Variants in ZNF335 observed in about 807,000 individuals in gnomAD.
The protein encoded by ZNF335 is NRC-interacting factor 1.
Under a neutral mutation model 145.6 loss-of-function variants are expected in ZNF335, and 84 were observed. The observed-to-expected ratio is 0.58, with a 90% CI of 0.48 to 0.69. The LOEUF (loss-of-function observed/expected upper bound fraction) is 0.69, where lower values mean the gene tolerates loss of function less well. Among genes scored for constraint, ZNF335 ranks in the 30% least tolerant of loss-of-function variants. The pLI, the probability that ZNF335 is intolerant of heterozygous loss-of-function variation, is 0.00. For missense variants in ZNF335, 1,865 were observed against 1,809.7 expected, an observed-to-expected ratio of 1.03 and a Z score of -0.55; for synonymous variants, 761 against 717.0, an observed-to-expected ratio of 1.06 and a Z score of -0.98.
intron 22 of ZNF335, 52 bp downstream of exon 22, chr20:45,950,167 A>G: frequency 6.3e-7 from 1 of 1,580,480 alleles, no homozygotes; most frequent in South Asian, 1.2e-5. Context: ...GCAGTGGCCC[A>G]AGTCTCTGGA....
In ZNF335 at chr20:45,960,202, C is replaced by A; in HGVS notation, c.2020+6G>T. 1 of 1,613,812 alleles carries A rather than the reference C, an allele frequency of 6.2e-7. No homozygotes were observed. The highest frequency in any genetic ancestry group is 8.5e-7 in the Non-Finnish European group (1 of 1,179,954). On this transcript the variant is annotated splice_donor_region_variant and intron_variant, in intron 14 of 27. Transcript: ENST00000322927. ...GTGAGTGGGGCTGGGGTGTGTCCAGCCTGACCTGTGTGCTTGACAGCCACA... is the reference window on the plus strand; with the variant it reads ...GTGAGTGGGGCTGGGGTGTGTCCAGACTGACCTGTGTGCTTGACAGCCACA...
At chr20:45,951,997 G>T in intron 20 of ZNF335, 150 bp downstream of exon 20, 1 of 1,176,290 alleles carries the variant, frequency 8.5e-7, no homozygotes, top group Non-Finnish European at 1.1e-6. Flanking sequence ...CTCCCTGAGA[G>T]CTGGGACCTT....
At position 45,968,352 on chromosome 20, in the gene ZNF335, A is replaced by G. The variant is rs1450049531; in HGVS notation, c.453T>C (p.Thr151=). The G allele has an allele frequency of 1.2e-6, 2 of 1,611,600 alleles. No homozygotes were observed. The highest frequency in any genetic ancestry group is 1.7e-6 in the Non-Finnish European group (2 of 1,178,180). ...CCCCGCCATCCTCAGCACTGGTCACAGTGATGCAGTCTGGGCAGAGATGGG... is the reference window on the plus strand; with the variant it reads ...CCCCGCCATCCTCAGCACTGGTCACGGTGATGCAGTCTGGGCAGAGATGGG... ...IGPDLIQNCI[T]VTSAEDGGAE... is the part of the protein sequence containing the mutation. The change falls in exon 4 of 28, where the codon ACT becomes ACC. Residue 151 remains threonine (T), a synonymous_variant. Transcript: ENST00000322927.
chr20:45,969,301 C>T (rs2084014505), intron 3 of ZNF335, 150 bp downstream of exon 3: 1 of 1,053,890 alleles, frequency 9.5e-7, no homozygotes, highest in South Asian at 3.5e-5. Flanking sequence ...ATTAAATCCT[C>T]ATTTACCACC....
At chr20:45,970,522 C>CT (rs891010946) in intron 2 of ZNF335, among the ~76,000 whole-genome samples, 35 of 152,120 alleles carry the variant, frequency 2.3e-4, no homozygotes, top group African/African-American at 8.0e-4. Flanking sequence ...ACTTTACAGA[C>CT]GAGGAAACAG....
At chr20:45,965,068 A>ATAATAC (rs2083926607) in intron 7 of ZNF335, among the ~76,000 whole-genome samples, 2 of 149,762 alleles carry the variant, frequency 1.3e-5, no homozygotes, top group African/African-American at 2.5e-5. Context: ...AATAATAATA[A>ATAATAC]TACAACAACT....
At position 45,967,828 on chromosome 20, in the gene ZNF335, C is replaced by G; in HGVS notation, c.720G>C (p.Val240=). ...LQSLEAMMEV[V]VVQQFKCKMC... is the part of the protein sequence containing the mutation. ...TCTTGCATTTGAACTGCTGCACCAC[C>G]ACCACCTCCATCATGGCCTCCAGGC... Residue 240 remains valine (V), a synonymous_variant, in exon 5 of 28, where the codon GTG becomes GTC. Coordinates refer to ENST00000322927, the MANE Select transcript of ZNF335 (RefSeq NM_022095.4). The G allele has an allele frequency of 6.2e-7, 1 of 1,613,522 alleles. No homozygotes were observed. Among genetic ancestry groups the G allele is most frequent in the East Asian group, 2.2e-5 (1 of 44,882 alleles).
chr20:45,968,513 G>A, intron 3 of ZNF335, 151 bp from the exon 4 acceptor site: 2 of 661,170 alleles, frequency 3.0e-6, no homozygotes, highest in Non-Finnish European at 5.2e-6. Flanking sequence ...TGTCACCCCT[G>A]AGCCTCAGTT....
rs767396502 is a variant in ZNF335, at chr20:45,960,853, G to A, written c.1665+11C>T. 24 of 1,613,714 alleles carry A rather than the reference G, an allele frequency of 1.5e-5. No homozygotes were observed. Among genetic ancestry groups the A allele is most frequent in the African/African-American group, 5.3e-5 (4 of 74,854 alleles). ...GCAGGTTCCCTTCCCAGGCCAGCACGCCAGACTCACCGGATCTGGCCTCTT... is the reference window on the plus strand; with the variant it reads ...GCAGGTTCCCTTCCCAGGCCAGCACACCAGACTCACCGGATCTGGCCTCTT... On this transcript the variant is annotated intron_variant, in intron 11 of 27. Transcript: ENST00000322927.
chr20:45,957,602 C>T lies in ZNF335; in HGVS notation c.2426G>A (p.Gly809Glu). 1 of 1,614,132 alleles carries T rather than the reference C, an allele frequency of 6.2e-7. No homozygotes were observed. Among genetic ancestry groups the T allele is most frequent in the South Asian group, 1.1e-5 (1 of 91,080 alleles). The change falls in exon 17 of 28, where the codon GGG becomes GAG. Residue 809 changes from glycine to glutamate, a missense_variant. By Grantham distance (98) the Gly-to-Glu change is moderately conservative. Coordinates refer to ENST00000322927, the MANE Select transcript of ZNF335 (RefSeq NM_022095.4). ...GCAGCTCACCTGCAGGGCTGTGCCC[C>T]CCAGTTCCCGCTGAGCACTCATGTT... is the stretch of plus-strand genomic sequence containing the variant. ...LLNMSAQRELGGTALQVAVVK... is the reference protein window; with the variant it reads ...LLNMSAQRELEGTALQVAVVK...
At chr20:45,955,022 G>A (rs1227577866) in intron 17 of ZNF335, among the ~76,000 whole-genome samples, 1 of 152,030 alleles carries the variant, frequency 6.6e-6, no homozygotes, top group African/African-American at 2.4e-5. Flanking sequence ...GCCTCCCAAA[G>A]TGCTGGGATT....
rs1477521268 is a variant in ZNF335 at position 45,968,386 on chromosome 20, A to G, written c.443-24T>C. On this transcript the variant is annotated intron_variant, in intron 3 of 27. Transcript: ENST00000322927. ...GTCTGGGCAGAGATGGGGAAGGGTC[A>G]CACCTCCTGGGGAGGGGGTCCCAGC... 4 of 1,599,916 alleles carry G rather than the reference A, an allele frequency of 2.5e-6. No individual in the cohort carries two copies. In the Admixed American group the frequency reaches 6.7e-5, roughly 27 times the overall value.
chr20:45,957,502 C>T, intron 17 of ZNF335, 84 bp downstream of exon 17: 1 of 1,337,280 alleles, frequency 7.5e-7, no homozygotes, highest in Non-Finnish European at 1.1e-6. Context: ...CTCTGATACA[C>T]TGTTTTCCTC....
In ZNF335 at chr20:45,968,332, C is replaced by T. The variant is rs752399966; in HGVS notation, c.473G>A (p.Gly158Asp). The T allele has an allele frequency of 4.6e-5, 74 of 1,613,252 alleles. No individual in the cohort carries two copies. Among genetic ancestry groups the T allele is most frequent in the Non-Finnish European group, 6.0e-5 (71 of 1,179,598 alleles). Residue 158 changes from glycine to aspartate, a missense_variant, in exon 4 of 28, where the codon GGC becomes GAC. Coordinates refer to ENST00000322927, the MANE Select transcript of ZNF335 (RefSeq NM_022095.4). The part of the protein sequence containing the change: ...NCITVTSAED[G>D]GAETTRYLIL... The stretch of plus-strand genomic sequence containing the variant: ...CAGGTACCGTGTGGTCTCGGCCCCG[C>T]CATCCTCAGCACTGGTCACAGTGAT...
rs199865131 is a variant in ZNF335, at chr20:45,949,758, G to A, written c.3669+42C>T. The A allele has an allele frequency of 4.9e-5, 78 of 1,607,544 alleles. No individual in the cohort carries two copies. The African/African-American group carries it at 1.0e-3, about 21-fold the overall frequency. On this transcript the variant is annotated intron_variant, in intron 24 of 27. Coordinates refer to ENST00000322927, the MANE Select transcript of ZNF335 (RefSeq NM_022095.4). ...CCCAAGGTAGGTCTTTGGGAGGGTA[G>A]GAGGTCACAGCTGAGGGGATTAACA...
chr20:45,953,793 T>C lies in ZNF335; in HGVS notation c.2598A>G (p.Leu866=). ...GACCAGGTGCCAGGGTGATCTGCGG[T>C]AGGTCAGGAGGGCCTAGCTGGCTCT... The part of the protein sequence containing the change: ...AAESQLGPPD[L]PQITLAPGPF... Residue 866 remains leucine, a synonymous_variant, in exon 18 of 28, where the codon CTA becomes CTG. Transcript: ENST00000322927. 1 of 1,614,138 alleles carries C rather than the reference T, an allele frequency of 6.2e-7. No homozygotes were observed. The highest frequency in any genetic ancestry group is 2.2e-5 in the East Asian group (1 of 44,882).
Position 45,950,207 on chromosome 20 carries a change from G to A in ZNF335, c.3487+12C>T. Reference sequence around the variant, plus strand: ...CCCTGTTGCCCACCCTGTGGCCCCAGGGGCAGCTCACTGTGCAGGGTGGCC... The same window carrying A: ...CCCTGTTGCCCACCCTGTGGCCCCAAGGGCAGCTCACTGTGCAGGGTGGCC... On this transcript the variant is annotated intron_variant, in intron 22 of 27. Coordinates refer to ENST00000322927, the MANE Select transcript of ZNF335 (RefSeq NM_022095.4). 1.3e-6 allele frequency: 2 copies of A among 1,551,874 alleles called. No individual in the cohort carries two copies. The highest frequency in any genetic ancestry group is 1.2e-5 in the South Asian group (1 of 80,600).
chr20:45,967,602 CT>C lies in ZNF335; in HGVS notation c.846del (p.Gly283AspfsTer27). ...GAGGTGCTCCACTTCCGTAGACGTC[CT>C]TTTTTACCAGCTGCTGCTGCGGCTG... is the stretch of plus-strand genomic sequence containing the variant. Reference protein sequence around the residue: ...VAAAAAAAGKKGRLRKWSTST... With the variant: ...VAAAAAAAGKXGRLRKWSTST... On this transcript the variant is annotated frameshift_variant, in exon 6 of 28. Transcript: ENST00000322927. LOFTEE classifies it high-confidence loss of function. The C allele has an allele frequency of 6.2e-7, 1 of 1,613,990 alleles. No individual in the cohort carries two copies. The highest frequency in any genetic ancestry group is 8.5e-7 in the Non-Finnish European group (1 of 1,179,954).
rs2083891208 is a variant in ZNF335 at position 45,963,585 on chromosome 20, A to G, written c.1421T>C (p.Phe474Ser). The G allele has an allele frequency of 6.2e-7, 1 of 1,614,228 alleles. No homozygotes were observed. The highest frequency in any genetic ancestry group is 2.2e-5 in the East Asian group (1 of 44,884). The change falls in exon 9 of 28, where the codon TTT (phenylalanine) becomes TCT (serine). Residue 474 changes from phenylalanine to serine, a missense_variant. Physicochemically the swap from Phe to Ser is radical, Grantham distance 155. Coordinates refer to ENST00000322927, the MANE Select transcript of ZNF335 (RefSeq NM_022095.4). ...PFLCRICGSR[F>S]LSHEDLRFHV... The stretch of plus-strand genomic sequence containing the variant: ...GAAGCGCAGGTCCTCGTGGGACAGA[A>G]AGCGAGAACCACAGATGCGGCACAG...
Sources: allele counts gnomAD v4.1 joint callset (sites outside exome capture counted in the v4.1 genomes callset), GRCh38; gene constraint gnomAD v4.1.1; transcripts MANE v1.5; gene names NCBI Gene and HGNC (gene_info 2026-07-23, HGNC 2026-07-21).